CYLD: variants seen among roughly 807,000 people sequenced by gnomAD.
CYLD encodes the protein ubiquitin carboxyl-terminal hydrolase CYLD.
A neutral mutation model predicts 104.5 loss-of-function variants in CYLD; 26 were observed. The ratio of observed to expected loss-of-function variants is 0.25; its 90% CI spans 0.18 to 0.35. CYLD has a LOEUF of 0.35. Ranked by LOEUF, CYLD falls within the 10% of genes least tolerant of loss-of-function variation. The pLI, the probability that CYLD is intolerant of heterozygous loss-of-function variation, is 1.00. For missense variants in CYLD, 703 were observed against 1,136.1 expected, an observed-to-expected ratio of 0.62 and a Z score of 5.48; for synonymous variants, 385 against 399.9, an observed-to-expected ratio of 0.96 and a Z score of 0.45.
chr16:50,745,270 A>C (rs770265663), intron 2 of CYLD, among the ~76,000 whole-genome samples: 4 of 150,096 alleles, frequency 2.7e-5, no homozygotes, highest in Non-Finnish European at 4.4e-5. Context: ...CAGTTGTCTT[A>C]CTGTTCCCTA....
At chr16:50,774,259 A>G (rs1969436253) in intron 5 of CYLD, among the ~76,000 whole-genome samples, 1 of 152,196 alleles carries the variant, frequency 6.6e-6, no homozygotes, top group Non-Finnish European at 1.5e-5. Flanking sequence ...CTTCTGAAGT[A>G]TCTGTCATGG....
At chr16:50,758,018 A>G (rs1184575738) in intron 5 of CYLD, among the ~76,000 whole-genome samples, 1 of 152,202 alleles carries the variant, frequency 6.6e-6, no homozygotes, top group East Asian at 1.9e-4. Flanking sequence ...ACTGGTAAAA[A>G]TTCTTCTCGT....
At position 50,779,997 on chromosome 16, in the gene CYLD, A is replaced by G; in HGVS notation, c.1471A>G (p.Ile491Val). ...TCCTTTCTATGGGGTAATCCGTTGG[A>G]TCGGTCAGCCACCAGGACTGAATGA... ...NPPFYGVIRWIGQPPGLNEVL... is the reference protein window; with the variant it reads ...NPPFYGVIRWVGQPPGLNEVL... The change falls in exon 9 of 19, where the codon ATC becomes GTC. Residue 491 changes from isoleucine to valine, a missense_variant. Transcript: ENST00000427738. 1.9e-6 allele frequency: 3 copies of G among 1,614,138 alleles called. No homozygotes were observed. The highest frequency in any genetic ancestry group is 2.5e-6 in the Non-Finnish European group (3 of 1,179,988).
At chr16:50,774,129 C>T (rs965232826) in intron 5 of CYLD, among the ~76,000 whole-genome samples, 1 of 152,228 alleles carries the variant, frequency 6.6e-6, no homozygotes, top group South Asian at 2.1e-4. Flanking sequence ...TCGTGGTATA[C>T]ATGTGAACAT....
chr16:50,745,872 G>T (rs1002695747), intron 2 of CYLD, among the ~76,000 whole-genome samples: 3 of 152,066 alleles, frequency 2.0e-5, no homozygotes, highest in Admixed American at 1.3e-4. Flanking sequence ...ACTGCTTGGG[G>T]TACCTAAGAC....
At position 50,742,755 on chromosome 16, in the gene CYLD, C is replaced by T. The variant is rs1965819802; in HGVS notation, c.-203-7C>T. ...TTGTTAATGGCGTGTTCTGCTTTTT[C>T]TTTCAGTTTCCCCCTTTCTAGGGTG... On this transcript the variant is annotated splice_polypyrimidine_tract_variant and splice_region_variant and intron_variant, in intron 1 of 18. Coordinates refer to ENST00000427738, the MANE Select transcript of CYLD (RefSeq NM_001378743.1). The T allele has an allele frequency of 5.0e-6, 2 of 398,690 alleles. No individual in the cohort carries two copies. The highest frequency in any genetic ancestry group is 4.4e-5 in the Admixed American group (1 of 22,712). 24.7% of individuals were successfully genotyped at this position (398,690 alleles called of 1,614,324 possible). A position where few individuals can be genotyped will look rare whatever the true frequency, so the allele number is the denominator to read the frequency against.
Position 50,754,825 on chromosome 16 carries a change from C to T in CYLD, c.913+401C>T, listed in dbSNP as rs540479683. On this transcript the variant is annotated intron_variant, in intron 5 of 18. Transcript: ENST00000427738. ...AATGCCATTATTTCATTCCTTTTTACGGCTGAGTAGTATTCCATGGTGTAT... is the reference window on the plus strand; with the variant it reads ...AATGCCATTATTTCATTCCTTTTTATGGCTGAGTAGTATTCCATGGTGTAT... Among the ~76,000 whole-genome samples the T allele has an allele frequency of 2.3e-4, 35 of 151,158 alleles. No homozygotes were observed. In the South Asian group the frequency reaches 5.0e-3, roughly 22 times the overall value.
chr16:50,789,626 A>G (rs963232798), intron 14 of CYLD, among the ~76,000 whole-genome samples: 1 of 152,184 alleles, frequency 6.6e-6, no homozygotes, highest in Non-Finnish European at 1.5e-5. Context: ...TAAAGATTAT[A>G]AATATTCTAA....
intron 3 of CYLD, among the ~76,000 whole-genome samples, 153 bp downstream of exon 3, chr16:50,750,355 A>G (rs958020930): frequency 7.2e-5 from 11 of 152,180 alleles, no homozygotes; most frequent in Non-Finnish European, 1.5e-4. Flanking sequence ...TTGCTGATGA[A>G]TCCATGTTGT....
Position 50,792,521 on chromosome 16 carries a change from C to A in CYLD, c.2242-76C>A. ...AGGCAGAACTGTTTTGTTTGACAGC[C>A]ATGACTATTTTGGTTTCATAGGGAA... On this transcript the variant is annotated intron_variant, in intron 15 of 18. Coordinates refer to ENST00000427738, the MANE Select transcript of CYLD (RefSeq NM_001378743.1). 3.2e-6 allele frequency: 3 copies of A among 942,274 alleles called. No homozygotes were observed. In the South Asian group the frequency reaches 4.3e-5, roughly 13 times the overall value. The allele number at this position is 942,274 out of a possible 1,614,324, so 58.4% of individuals were successfully genotyped here.
At position 50,755,145 on chromosome 16, in the gene CYLD, A is replaced by G. The variant is rs113917286; in HGVS notation, c.913+721A>G. On this transcript the variant is annotated intron_variant, in intron 5 of 18. Transcript: ENST00000427738. ...TGTGTATATATACACACGTGTACAT[A>G]TGTGTGTATATACACACGTGTACAT... Among the ~76,000 whole-genome samples the G allele has an allele frequency of 1.2e-3, 42 of 34,898 alleles. 2 individuals are homozygous for G. The highest frequency in any genetic ancestry group is 8.6e-3 in the African/African-American group (39 of 4,536). 22.9% of individuals were successfully genotyped at this position (34,898 alleles called of 152,430 possible).
At chr16:50,782,301 CT>C in intron 10 of CYLD, 23 bp from the exon 11 acceptor site, 1 of 1,511,938 alleles carries the variant, frequency 6.6e-7, no homozygotes, top group Non-Finnish European at 9.1e-7. Context: ...TTTTCATTTA[CT>C]TTTTTTAAAA....
In CYLD at chr16:50,801,087, C is replaced by T; in HGVS notation, c.*4579C>T. The T allele has an allele frequency of 4.3e-6, 1 of 233,458 alleles. No individual in the cohort carries two copies. Among genetic ancestry groups the T allele is most frequent in the Non-Finnish European group, 8.5e-6 (1 of 118,094 alleles). 14.5% of individuals were successfully genotyped at this position (233,458 alleles called of 1,614,324 possible). A position where few individuals can be genotyped will look rare whatever the true frequency, so the allele number is the denominator to read the frequency against. On this transcript the variant is annotated 3_prime_UTR_variant, in exon 19 of 19. Transcript: ENST00000427738. ...GGTGTTCGCATTGCCCTTCTCCGTT[C>T]CCCTTCAGACCTTTCTGGGGAGAAG... is the stretch of plus-strand genomic sequence containing the variant.
intron 5 of CYLD, among the ~76,000 whole-genome samples, chr16:50,760,296 A>G (rs2150938105): frequency 6.6e-6 from 1 of 152,320 alleles, no homozygotes; most frequent in Non-Finnish European, 1.5e-5. Flanking sequence ...ATACCCTTGA[A>G]TTAGAAACCT....
In CYLD at chr16:50,756,079, T is replaced by C. The variant is rs188125426; in HGVS notation, c.913+1655T>C. On this transcript the variant is annotated intron_variant, in intron 5 of 18. Transcript: ENST00000427738. ...CATAAATGTAAGCTTCAAGATATAT[T>C]TTTAGAACTTGACTTTTATATTATG... 1.2e-3 allele frequency among the ~76,000 whole-genome samples: 183 copies of C among 152,308 alleles called. 1 individual carries two copies. In the Middle Eastern group the frequency reaches 0.02, roughly 17 times the overall value.
intron 5 of CYLD, among the ~76,000 whole-genome samples, chr16:50,757,880 G>A (rs1260621086): frequency 6.6e-6 from 1 of 152,120 alleles, no homozygotes; most frequent in African/African-American, 2.4e-5. Context: ...TTTATTTTAT[G>A]AATTAAAGTA....
chr16:50,766,363 A>G (rs940072319), intron 5 of CYLD, among the ~76,000 whole-genome samples: 8 of 152,216 alleles, frequency 5.3e-5, no homozygotes, highest in Non-Finnish European at 1.0e-4. Context: ...TGCTCAGAAA[A>G]AGGATTCCTT....
chr16:50,755,135 ACGTGT>A, intron 5 of CYLD, among the ~76,000 whole-genome samples: 2 of 132,416 alleles, frequency 1.5e-5, no homozygotes, highest in African/African-American at 6.2e-5. Context: ...ATATATACAC[ACGTGT>A]ACATATGTGT....
chr16:50,761,188 A>G (rs1220739991), intron 5 of CYLD, among the ~76,000 whole-genome samples: 2 of 152,124 alleles, frequency 1.3e-5, no homozygotes, highest in Non-Finnish European at 2.9e-5. Flanking sequence ...CTCTTCTGTG[A>G]TGCGAGATGC....
Sources: gnomAD v4.1 joint callset for allele counts (sites outside exome capture counted in the v4.1 genomes callset) on GRCh38, gnomAD v4.1.1 for gene constraint, MANE v1.5 for transcripts, NCBI Gene and HGNC (gene_info 2026-07-23, HGNC 2026-07-21) for gene names.